The following SLCO1A2 variants were observed in gnomAD, a reference collection of about 807,000 sequenced individuals.
SLCO1A2 encodes OATP-1.
A neutral mutation model predicts 69.0 loss-of-function variants in SLCO1A2; 67 were observed. That is an observed-to-expected ratio of 0.97 (90% confidence interval 0.80 to 1.19). The LOEUF (loss-of-function observed/expected upper bound fraction) is 1.19, where lower values mean the gene tolerates loss of function less well. SLCO1A2 is among the 50% of genes most tolerant of loss of function. SLCO1A2 has a pLI of 0.00. For synonymous variants in SLCO1A2, 260 were observed against 265.9 expected (o/e 0.98, Z 0.22); for missense variants, 787 against 793.7 (o/e 0.99, Z 0.10).
At chr12:21,313,748 G>A (rs11837357) in intron 4 of SLCO1A2, among the ~76,000 whole-genome samples, 10,216 of 151,526 alleles carry the variant, frequency 0.067, 1,109 homozygotes, top group African/African-American at 0.23. Flanking sequence ...AGGCGGGCGG[G>A]TCACGAGGTT....
chr12:21,283,652 T>G (rs1472559562), intron 12 of SLCO1A2, among the ~76,000 whole-genome samples: 1 of 152,064 alleles, frequency 6.6e-6, no homozygotes, highest in Non-Finnish European at 1.5e-5. Context: ...TGAGAGAAAT[T>G]ATTTGCAAGC....
At chr12:21,362,507 C>A (rs1260150909) in intron 2 of SLCO1A2, among the ~76,000 whole-genome samples, 2 of 152,124 alleles carry the variant, frequency 1.3e-5, no homozygotes, top group Non-Finnish European at 2.9e-5. Context: ...AGCAAAATAA[C>A]CAGCTAACAT....
At chr12:21,312,187 C>T (rs1250906698) in intron 4 of SLCO1A2, among the ~76,000 whole-genome samples, 2 of 152,236 alleles carry the variant, frequency 1.3e-5, no homozygotes, top group African/African-American at 4.8e-5. Context: ...TTCTGGATAA[C>T]TTGCTGCAGC....
chr12:21,354,200 G>C (rs1938184258), intron 2 of SLCO1A2, among the ~76,000 whole-genome samples: 1 of 152,114 alleles, frequency 6.6e-6, no homozygotes, highest in African/African-American at 2.4e-5. Flanking sequence ...CATGATCCCA[G>C]TACCTCTCAG....
At chr12:21,331,622 T>TA (rs11313789) in intron 2 of SLCO1A2, among the ~76,000 whole-genome samples, 89 of 145,812 alleles carry the variant, frequency 6.1e-4, no homozygotes, top group Middle Eastern at 3.6e-3. Flanking sequence ...ATCGCTGAGA[T>TA]AAAAAAAAAA....
chr12:21,332,357 A>G (rs568735908), intron 2 of SLCO1A2, among the ~76,000 whole-genome samples: 35 of 152,268 alleles, frequency 2.3e-4, no homozygotes, highest in South Asian at 6.2e-4. Context: ...CCTGTTTACA[A>G]TCAGGGCTTG....
intron 2 of SLCO1A2, chr12:21,319,517 C>T (rs1051622621): frequency 4.6e-6 from 6 of 1,302,046 alleles, no homozygotes; most frequent in African/African-American, 4.5e-5. Context: ...CCCTTGAGCT[C>T]AGCAATCCCA....
At position 21,291,168 on chromosome 12, in the gene SLCO1A2, C is replaced by T. The variant is rs75130613; in HGVS notation, c.1610+996G>A. ...ACATCACAAAGTTAGATAATTCTAA[C>T]TCTCATGCAGTGATGATATAAAAAT... On this transcript the variant is annotated intron_variant, in intron 12 of 14. Coordinates refer to ENST00000683939, the MANE Select transcript of SLCO1A2 (RefSeq NM_001386879.1). Among the ~76,000 whole-genome samples, 23 of 152,248 alleles carry T rather than the reference C, an allele frequency of 1.5e-4. No homozygotes were observed. The East Asian group carries it at 4.3e-3, about 28-fold the overall frequency.
intron 2 of SLCO1A2, among the ~76,000 whole-genome samples, chr12:21,341,269 A>G (rs2136981485): frequency 6.6e-6 from 1 of 152,076 alleles, no homozygotes; most frequent in Non-Finnish European, 1.5e-5. Context: ...GGAGGACCTA[A>G]ACCAGAATTT....
chr12:21,304,669 G>A, intron 5 of SLCO1A2, 96 bp from the exon 6 acceptor site: 1 of 1,122,618 alleles, frequency 8.9e-7, no homozygotes, highest in Non-Finnish European at 1.3e-6. Flanking sequence ...ACAGTTATAT[G>A]ACCATGGCCC....
intron 1 of SLCO1A2, among the ~76,000 whole-genome samples, chr12:21,408,731 T>TAC (rs1941862994): frequency 9.2e-6 from 1 of 108,250 alleles, no homozygotes; most frequent in South Asian, 3.1e-4. Context: ...TGTGTGTGTG[T>TAC]GTGTGTGTGT....
rs111327651 is a variant in SLCO1A2 at position 21,381,653 on chromosome 12, G to T, written c.-189-7128C>A. 4.6e-5 allele frequency among the ~76,000 whole-genome samples: 7 copies of T among 152,150 alleles called. 1 individual carries two copies. Among genetic ancestry groups the T allele is most frequent in the African/African-American group, 1.7e-4 (7 of 41,542 alleles). On this transcript the variant is annotated intron_variant, in intron 1 of 15. Coordinates refer to the SLCO1A2 transcript ENST00000307378. Reference sequence around the variant, plus strand: ...TCTACTAAAATACAAAAAATTAGCCGGGCATGGTGGCATGTGCCTGTAGTC... The same window carrying T: ...TCTACTAAAATACAAAAAATTAGCCTGGCATGGTGGCATGTGCCTGTAGTC...
chr12:21,267,289 T>C lies in SLCO1A2; in HGVS notation c.*2259A>G, dbSNP rs1178856356. ...GTCTCTCTGGGCCTATGATGCTCCA[T>C]TGAGGGAGTTCAAGTGGGTGAATTG... On this transcript the variant is annotated 3_prime_UTR_variant, in exon 15 of 15. Coordinates refer to ENST00000683939, the MANE Select transcript of SLCO1A2 (RefSeq NM_001386879.1). The C allele has an allele frequency of 1.3e-5, 2 of 152,160 alleles. No individual in the cohort carries two copies. The highest frequency in any genetic ancestry group is 2.9e-5 in the Non-Finnish European group (2 of 68,072). The allele number at this position is 152,160 out of a possible 1,614,324, so 9.4% of individuals were successfully genotyped here. A position where few individuals can be genotyped will look rare whatever the true frequency, so the allele number is the denominator to read the frequency against.
At position 21,304,599 on chromosome 12, in the gene SLCO1A2, A is replaced by G. The variant is rs1285890820; in HGVS notation, c.443-26T>C. 2.5e-6 allele frequency: 4 copies of G among 1,577,488 alleles called. No individual in the cohort carries two copies. The Admixed American group carries it at 5.6e-5, about 22-fold the overall frequency. On this transcript the variant is annotated intron_variant, in intron 5 of 14. Coordinates refer to ENST00000683939, the MANE Select transcript of SLCO1A2 (RefSeq NM_001386879.1). ...CTGCATTAAAAAAAAAAGACATGAC[A>G]TTAGTGCTTTGACGATAAAGTGTCA...
intron 1 of SLCO1A2, among the ~76,000 whole-genome samples, chr12:21,413,237 C>CTTTT (rs3983534): frequency 0.33 from 31,957 of 97,368 alleles, 5,346 homozygotes; most frequent in Non-Finnish European, 0.37. Context: ...TTTTCTTTTT[C>CTTTT]TTTTTTTTTT....
intron 2 of SLCO1A2, among the ~76,000 whole-genome samples, chr12:21,359,691 G>A (rs1938665654): frequency 6.6e-6 from 1 of 151,354 alleles, no homozygotes; most frequent in Non-Finnish European, 1.5e-5. Context: ...AGCTTGCAGT[G>A]AGCCGAGATC....
chr12:21,365,852 C>T lies in SLCO1A2; in HGVS notation c.-63+8547G>A, dbSNP rs374444080. Among the ~76,000 whole-genome samples the T allele has an allele frequency of 4.6e-5, 7 of 152,290 alleles. No individual in the cohort carries two copies. The East Asian group carries it at 7.7e-4, about 17-fold the overall frequency. ...TGCACATCAAAACCACAATGAGATA[C>T]CATCTCATGCCAGTTAGACTGGCAA... On this transcript the variant is annotated intron_variant, in intron 2 of 15. Coordinates refer to the SLCO1A2 transcript ENST00000307378.
upstream of SLCO1A2, among the ~76,000 whole-genome samples, chr12:21,339,532 G>A (rs1257108116): frequency 2.6e-5 from 4 of 151,850 alleles, no homozygotes; most frequent in African/African-American, 9.7e-5. Context: ...CTTTGTCAAG[G>A]TCCTGATAGG....
At chr12:21,396,839 A>G (rs1163852447), upstream of SLCO1A2, among the ~76,000 whole-genome samples, 1 of 152,168 alleles carries the variant, frequency 6.6e-6, no homozygotes, top group Non-Finnish European at 1.5e-5. Flanking sequence ...TTTTGTCACC[A>G]CCAGGCCTGC....
Sources: gnomAD v4.1 joint callset for allele counts (sites outside exome capture counted in the v4.1 genomes callset) on GRCh38, gnomAD v4.1.1 for gene constraint, MANE v1.5 for transcripts, NCBI Gene and HGNC (gene_info 2026-07-23, HGNC 2026-07-21) for gene names.